Variants in KCNC2 observed in about 807,000 individuals in gnomAD.
KCNC2 encodes the protein voltage-gated potassium channel KCNC2.
In KCNC2, 21 loss-of-function variants were observed where a neutral mutation model predicts 44.5. The observed-to-expected ratio is 0.47, with a 90% CI of 0.33 to 0.68. KCNC2 has a LOEUF of 0.68. Ranked by LOEUF, KCNC2 falls within the 30% of genes least tolerant of loss-of-function variation. The pLI is 0.01. For missense variants in KCNC2, 589 were observed against 826.2 expected, an observed-to-expected ratio of 0.71 and a Z score of 3.52; for synonymous variants, 391 against 339.1, an observed-to-expected ratio of 1.15 and a Z score of -1.68.
At position 75,090,017 on chromosome 12, in the gene KCNC2, C is replaced by G. The variant is rs139160190; in HGVS notation, c.688-38700G>C. Reference sequence around the variant, plus strand: ...TACAGTATAATGGTCCAGTTTAAGACTTTCCAATAAGCTGGATTAGGAAAT... The same window carrying G: ...TACAGTATAATGGTCCAGTTTAAGAGTTTCCAATAAGCTGGATTAGGAAAT... On this transcript the variant is annotated intron_variant, in intron 2 of 4. Coordinates refer to ENST00000549446, the MANE Select transcript of KCNC2 (RefSeq NM_139137.4). 5.7e-3 allele frequency among the ~76,000 whole-genome samples: 864 copies of G among 151,828 alleles called. 4 individuals are homozygous for G. Among genetic ancestry groups the G allele is most frequent in the Non-Finnish European group, 8.8e-3 (599 of 67,754 alleles).
At chr12:75,178,005 T>A (rs1565666968) in intron 2 of KCNC2, among the ~76,000 whole-genome samples, 1 of 152,030 alleles carries the variant, frequency 6.6e-6, no homozygotes, top group Non-Finnish European at 1.5e-5. Flanking sequence ...TGTCCAATAA[T>A]TTGAGTGGCC....
intron 2 of KCNC2, among the ~76,000 whole-genome samples, chr12:75,205,646 A>G (rs2031624039): frequency 6.6e-6 from 1 of 152,188 alleles, no homozygotes; most frequent in Admixed American, 6.5e-5. Context: ...CTTTTGTAGC[A>G]CATGATCTGG....
Position 75,057,287 on chromosome 12 carries a change from TTAAC to T in KCNC2, c.688-5974_688-5971del, listed in dbSNP as rs61650360. On this transcript the variant is annotated intron_variant, in intron 2 of 4. Coordinates refer to ENST00000549446, the MANE Select transcript of KCNC2 (RefSeq NM_139137.4). Reference sequence around the variant, plus strand: ...GTCTTATACACTAATTTTGCCATAATTAACGAGTTTGTTGTTCATAGAACTTTGG... The same window carrying T: ...GTCTTATACACTAATTTTGCCATAATGAGTTTGTTGTTCATAGAACTTTGG... 2.4e-3 allele frequency among the ~76,000 whole-genome samples: 366 copies of T among 152,098 alleles called. 2 individuals are homozygous for T. Among genetic ancestry groups the T allele is most frequent in the African/African-American group, 8.4e-3 (351 of 41,544 alleles).
At position 75,042,872 on chromosome 12, in the gene KCNC2, A is replaced by G. The variant is rs1880069427; in HGVS notation, c.*233T>C. 4 of 1,319,448 alleles carry G rather than the reference A, an allele frequency of 3.0e-6. No homozygotes were observed. The South Asian group carries it at 6.3e-5, about 21-fold the overall frequency. 81.7% of individuals were successfully genotyped at this position (1,319,448 alleles called of 1,614,324 possible). A position where few individuals can be genotyped will look rare whatever the true frequency, so the allele number is the denominator to read the frequency against. ...ATCTGTCATTTTATTGCAAAAGGAT[A>G]TCAGGGCAATTAATAGGAGGGATCT... is the stretch of plus-strand genomic sequence containing the variant. On this transcript the variant is annotated 3_prime_UTR_variant, in exon 5 of 5. Coordinates refer to ENST00000549446, the MANE Select transcript of KCNC2 (RefSeq NM_139137.4).
Position 75,066,412 on chromosome 12 carries a change from T to C in KCNC2, c.688-15095A>G, listed in dbSNP as rs532089546. ...GTCACTATCTATGACTAAATTAAAGTTTCCTAGATAATTTAAACCTTTTGG... is the reference window on the plus strand; with the variant it reads ...GTCACTATCTATGACTAAATTAAAGCTTCCTAGATAATTTAAACCTTTTGG... On this transcript the variant is annotated intron_variant, in intron 2 of 4. Transcript: ENST00000549446. Among the ~76,000 whole-genome samples, 16 of 152,298 alleles carry C rather than the reference T, an allele frequency of 1.1e-4. 1 individual carries two copies. The South Asian group carries it at 2.9e-3, about 28-fold the overall frequency.
chr12:75,138,904 C>G (rs1049388891), intron 2 of KCNC2, among the ~76,000 whole-genome samples: 1 of 145,910 alleles, frequency 6.9e-6, no homozygotes, highest in African/African-American at 2.6e-5. Flanking sequence ...TGGCATGAAC[C>G]CGGGAGGCGG....
intron 2 of KCNC2, among the ~76,000 whole-genome samples, chr12:75,053,672 C>T (rs79294508): frequency 0.034 from 5,124 of 150,122 alleles, 288 homozygotes; most frequent in African/African-American, 0.12. Flanking sequence ...GTAAATTTGC[C>T]AGTTTAATAC....
chr12:75,183,023 G>T (rs899695274), intron 2 of KCNC2, among the ~76,000 whole-genome samples: 1 of 152,160 alleles, frequency 6.6e-6, no homozygotes, highest in Non-Finnish European at 1.5e-5. Flanking sequence ...ATGGCCATCC[G>T]GCCCTTCTGT....
intron 2 of KCNC2, among the ~76,000 whole-genome samples, chr12:75,082,977 A>G (rs11838012): frequency 0.028 from 4,218 of 151,662 alleles, 218 homozygotes; most frequent in African/African-American, 0.095. Context: ...AGATAGAGGC[A>G]TCTATACAGA....
At chr12:75,060,034 C>G (rs1452706432) in intron 2 of KCNC2, among the ~76,000 whole-genome samples, 5 of 152,076 alleles carry the variant, frequency 3.3e-5, no homozygotes, top group Admixed American at 2.6e-4. Context: ...CAATCTCAAT[C>G]AATAAAGGCA....
rs1237925340 is a variant in KCNC2 at position 75,041,208 on chromosome 12, T to C, written c.*1897A>G. Reference sequence around the variant, plus strand: ...ATCCATGATAAATTCTGTACAACACTGTAGTCAATAACAGCAGCACCAGAC... The same window carrying C: ...ATCCATGATAAATTCTGTACAACACCGTAGTCAATAACAGCAGCACCAGAC... On this transcript the variant is annotated 3_prime_UTR_variant, in exon 5 of 5. Transcript: ENST00000549446. The C allele has an allele frequency of 5.6e-6, 9 of 1,595,436 alleles. No homozygotes were observed. The East Asian group carries it at 1.6e-4, about 28-fold the overall frequency.
chr12:75,127,382 A>G (rs1265091793), intron 2 of KCNC2, among the ~76,000 whole-genome samples: 2 of 152,164 alleles, frequency 1.3e-5, no homozygotes, highest in Non-Finnish European at 2.9e-5. Flanking sequence ...AACTACGGAG[A>G]CAACAGGCAG....
In KCNC2 at chr12:75,207,498, G is replaced by A. The variant is rs199706421; in HGVS notation, c.486C>T (p.Ala162=). The change falls in exon 2 of 5, where the codon GCC becomes GCT. Residue 162 remains alanine (A), a synonymous_variant. Transcript: ENST00000549446. This position sits in a 1 kb window ranked among gnomAD's most constrained non-coding sequence, Gnocchi z 4.1. The stretch of plus-strand genomic sequence containing the variant: ...TCTCGAAGATGTCCAGCGCCTCCTC[G>A]GCGTCGCGGTGCTGCCGGTAGGTCA... ...CWMTYRQHRD[A]EEALDIFETP... The A allele has an allele frequency of 1.9e-6, 3 of 1,612,342 alleles. No individual in the cohort carries two copies. Among genetic ancestry groups the A allele is most frequent in the Admixed American group, 1.7e-5 (1 of 59,988 alleles).
chr12:75,129,155 G>C (rs565235504), intron 2 of KCNC2, among the ~76,000 whole-genome samples: 152 of 152,174 alleles, frequency 1.0e-3, no homozygotes, highest in Non-Finnish European at 1.8e-3. Context: ...TATAAAGACG[G>C]GTTATGGTAT....
chr12:75,052,020 A>T (rs1881228704), intron 2 of KCNC2, among the ~76,000 whole-genome samples: 1 of 152,160 alleles, frequency 6.6e-6, no homozygotes, highest in African/African-American at 2.4e-5. Flanking sequence ...CGAGTAACAT[A>T]CTATAAAGCT....
Position 75,041,894 on chromosome 12 carries a change from C to A in KCNC2, c.*1211G>T, listed in dbSNP as rs1450217288. The stretch of plus-strand genomic sequence containing the variant: ...GTTTGGAGGGAGTAAATATTAAAAT[C>A]ATAAACATCTTACAGAGGCATTTCT... On this transcript the variant is annotated 3_prime_UTR_variant, in exon 5 of 5. Coordinates refer to ENST00000549446, the MANE Select transcript of KCNC2 (RefSeq NM_139137.4). 3 of 991,606 alleles carry A rather than the reference C, an allele frequency of 3.0e-6. No homozygotes were observed. Among genetic ancestry groups the A allele is most frequent in the Non-Finnish European group, 3.6e-6 (3 of 834,376 alleles). The allele number at this position is 991,606 out of a possible 1,614,324, so 61.4% of individuals were successfully genotyped here.
rs1881359148 is a variant in KCNC2, at chr12:75,053,085, T to A, written c.688-1768A>T. On this transcript the variant is annotated intron_variant, in intron 2 of 4. Coordinates refer to ENST00000549446, the MANE Select transcript of KCNC2 (RefSeq NM_139137.4). ...TCATTTGTCGTAACACTTAGTATCA[T>A]AAAGATCCTATGTACACATTAAAAG... Among the ~76,000 whole-genome samples the A allele has an allele frequency of 2.0e-5, 3 of 152,294 alleles. No individual in the cohort carries two copies. The South Asian group carries it at 6.2e-4, about 32-fold the overall frequency.
chr12:75,073,999 C>A (rs1462473778), intron 2 of KCNC2, among the ~76,000 whole-genome samples: 1 of 152,026 alleles, frequency 6.6e-6, no homozygotes, highest in Non-Finnish European at 1.5e-5. Context: ...TCTTTTATGC[C>A]TTTGCCTATT....
chr12:75,144,376 A>G (rs1277900205), intron 2 of KCNC2, among the ~76,000 whole-genome samples: 1 of 152,180 alleles, frequency 6.6e-6, no homozygotes, highest in Admixed American at 6.5e-5. Flanking sequence ...TTGTCCCACT[A>G]GTACATTAAT....
Sources: gnomAD v4.1 joint callset for allele counts (sites outside exome capture counted in the v4.1 genomes callset) on GRCh38, gnomAD v4.1.1 for gene constraint, Gnocchi (gnomAD v3.1) non-coding constraint, MANE v1.5 for transcripts, NCBI Gene and HGNC (gene_info 2026-07-23, HGNC 2026-07-21) for gene names.